The following TEAD1 variants were observed in gnomAD, a reference collection of about 807,000 sequenced individuals.
TEAD1 encodes the protein TEA domain transcription factor 1.
TEAD1 carries 9 observed loss-of-function variants against 54.9 expected under a neutral mutation model. The observed-to-expected ratio is 0.16, with a 90% CI of 0.10 to 0.29. The LOEUF (loss-of-function observed/expected upper bound fraction) is 0.29. Among genes scored for constraint, TEAD1 ranks in the 10% least tolerant of loss-of-function variants. The pLI is 1.00. For missense variants in TEAD1, 387 were observed against 535.9 expected, an observed-to-expected ratio of 0.72 and a Z score of 2.74; for synonymous variants, 200 against 187.8, an observed-to-expected ratio of 1.07 and a Z score of -0.53.
intron 3 of TEAD1, among the ~76,000 whole-genome samples, chr11:12,797,360 G>C (rs1945954429): frequency 6.6e-6 from 1 of 152,160 alleles, no homozygotes; most frequent in South Asian, 2.1e-4. Flanking sequence ...CTGGGGTCTT[G>C]ATGTAGCATG....
chr11:12,713,436 A>G (rs937349580), intron 2 of TEAD1, among the ~76,000 whole-genome samples: 2 of 152,250 alleles, frequency 1.3e-5, no homozygotes, highest in Admixed American at 6.5e-5. Flanking sequence ...TCAGATGTCT[A>G]AAATGCAAAT....
chr11:12,817,807 A>ATTTC (rs1946447118), intron 3 of TEAD1, among the ~76,000 whole-genome samples: 1 of 152,188 alleles, frequency 6.6e-6, no homozygotes, highest in Admixed American at 6.5e-5. Flanking sequence ...TTGACTTGAA[A>ATTTC]GTTTGAAGCG....
chr11:12,714,774 C>T (rs916182624), intron 2 of TEAD1, among the ~76,000 whole-genome samples: 3 of 152,146 alleles, frequency 2.0e-5, no homozygotes, highest in Admixed American at 2.0e-4. Flanking sequence ...TCTTGTTGGC[C>T]TGCAGTAATG....
chr11:12,752,562 T>A (rs1944897653), intron 2 of TEAD1, among the ~76,000 whole-genome samples: 1 of 152,162 alleles, frequency 6.6e-6, no homozygotes, highest in Non-Finnish European at 1.5e-5. Flanking sequence ...TCCTCAATAT[T>A]GCGTTGGTAC....
chr11:12,838,017 G>A (rs1163764790), intron 3 of TEAD1, among the ~76,000 whole-genome samples: 4 of 151,866 alleles, frequency 2.6e-5, no homozygotes, highest in Admixed American at 1.3e-4. Flanking sequence ...GGCTGGTCTC[G>A]AACTCCTGAC....
chr11:12,894,606 G>C (rs1184991613), intron 9 of TEAD1, among the ~76,000 whole-genome samples: 1 of 152,142 alleles, frequency 6.6e-6, no homozygotes, highest in African/African-American at 2.4e-5. Context: ...GTGTGCCTGA[G>C]GGAAATGCGG....
At chr11:12,826,765 G>A (rs191060777) in intron 3 of TEAD1, among the ~76,000 whole-genome samples, 4 of 152,276 alleles carry the variant, frequency 2.6e-5, no homozygotes, top group African/African-American at 9.6e-5. Flanking sequence ...CTAGCATATA[G>A]GAACCCATTA....
At chr11:12,830,300 C>CAT (rs1946746031) in intron 3 of TEAD1, among the ~76,000 whole-genome samples, 1 of 152,076 alleles carries the variant, frequency 6.6e-6, no homozygotes, top group Admixed American at 6.6e-5. Flanking sequence ...CAGTGGGGGG[C>CAT]ATCCCAGTGG....
At chr11:12,722,424 T>G (rs1944226267) in intron 2 of TEAD1, among the ~76,000 whole-genome samples, 2 of 152,144 alleles carry the variant, frequency 1.3e-5, no homozygotes, top group Non-Finnish European at 2.9e-5. Flanking sequence ...CAGCCTTGAA[T>G]AGGTCATCCG....
chr11:12,839,389 T>C (rs1054485456), intron 3 of TEAD1, among the ~76,000 whole-genome samples: 1 of 152,172 alleles, frequency 6.6e-6, no homozygotes, highest in African/African-American at 2.4e-5. Context: ...CCAGCCTCGG[T>C]GACAGAGTGA....
At chr11:12,818,992 A>G (rs967544871) in intron 3 of TEAD1, among the ~76,000 whole-genome samples, 1 of 152,178 alleles carries the variant, frequency 6.6e-6, no homozygotes, top group Non-Finnish European at 1.5e-5. Context: ...CATATATTCA[A>G]TTCCTTATTT....
chr11:12,827,436 A>G (rs1319144922), intron 3 of TEAD1, among the ~76,000 whole-genome samples: 1 of 152,230 alleles, frequency 6.6e-6, no homozygotes, highest in African/African-American at 2.4e-5. Context: ...CATTCTGTCA[A>G]CAACCCTAGG....
intron 2 of TEAD1, among the ~76,000 whole-genome samples, chr11:12,752,989 G>A (rs371164356): frequency 2.6e-5 from 4 of 151,122 alleles, no homozygotes; most frequent in African/African-American, 9.7e-5. Context: ...ACAGGCATGC[G>A]CCACCAACAC....
chr11:12,723,885 T>C (rs1944261663), intron 2 of TEAD1, among the ~76,000 whole-genome samples: 1 of 152,206 alleles, frequency 6.6e-6, no homozygotes, highest in African/African-American at 2.4e-5. Flanking sequence ...GGAGCCCAAC[T>C]TGTTTTTCAA....
chr11:12,899,361 A>G (rs1321112041), intron 9 of TEAD1, among the ~76,000 whole-genome samples: 1 of 152,082 alleles, frequency 6.6e-6, no homozygotes, highest in African/African-American at 2.4e-5. Context: ...GATTGCCTTT[A>G]TACCAACGTC....
At chr11:12,846,000 T>G (rs1273477973) in intron 3 of TEAD1, among the ~76,000 whole-genome samples, 2 of 152,248 alleles carry the variant, frequency 1.3e-5, no homozygotes, top group African/African-American at 4.8e-5. Flanking sequence ...CTTTGCTAGC[T>G]TTGATCTGCG....
At chr11:12,692,581 A>G (rs897156431) in intron 2 of TEAD1, among the ~76,000 whole-genome samples, 3 of 152,000 alleles carry the variant, frequency 2.0e-5, no homozygotes, top group Non-Finnish European at 2.9e-5. Context: ...ACAGTATTGT[A>G]GGGGTTTATT....
At chr11:12,733,093 C>T (rs541570011) in intron 2 of TEAD1, among the ~76,000 whole-genome samples, 4 of 152,298 alleles carry the variant, frequency 2.6e-5, no homozygotes, top group African/African-American at 7.2e-5. Flanking sequence ...CCTTGGGCTT[C>T]ATCAGCCCTT....
Position 12,933,606 on chromosome 11 carries a change from G to A in TEAD1, c.1167+3280G>A, listed in dbSNP as rs115789187. Among the ~76,000 whole-genome samples the A allele has an allele frequency of 7.8e-3, 1,188 of 151,816 alleles. 8 individuals carry two copies. Among genetic ancestry groups the A allele is most frequent in the African/African-American group, 0.028 (1,151 of 41,420 alleles). ...AATATTTTCCAATCTGATATTGATTGGATCTGCCAGTGTGGAATCGCAGAT... is the reference window on the plus strand; with the variant it reads ...AATATTTTCCAATCTGATATTGATTAGATCTGCCAGTGTGGAATCGCAGAT... On this transcript the variant is annotated intron_variant, in intron 12 of 12. Coordinates refer to ENST00000527636, the MANE Select transcript of TEAD1 (RefSeq NM_021961.6).
Sources: allele counts gnomAD v4.1 joint callset (sites outside exome capture counted in the v4.1 genomes callset), GRCh38; gene constraint gnomAD v4.1.1; transcripts MANE v1.5; gene names NCBI Gene and HGNC (gene_info 2026-07-23, HGNC 2026-07-21).